The following VPS53 variants were observed in gnomAD, a reference collection of about 807,000 sequenced individuals.
VPS53 encodes the protein vacuolar protein sorting-associated protein 53 homolog.
A neutral mutation model predicts 107.0 loss-of-function variants in VPS53; 70 were observed. The observed-to-expected ratio is 0.65, with a 90% CI of 0.54 to 0.80. The LOEUF (loss-of-function observed/expected upper bound fraction) is 0.80, where lower values mean the gene tolerates loss of function less well. Ranked by LOEUF, VPS53 falls within the 30% of genes least tolerant of loss-of-function variation. The pLI is 0.00. For synonymous variants in VPS53, 409 were observed against 393.3 expected, an observed-to-expected ratio of 1.04 and a Z score of -0.47; for missense variants, 917 against 1,049.4, an observed-to-expected ratio of 0.87 and a Z score of 1.74.
At chr17:658,777 T>C (rs1971319951) in intron 5 of VPS53, among the ~76,000 whole-genome samples, 1 of 151,532 alleles carries the variant, frequency 6.6e-6, no homozygotes, top group African/African-American at 2.4e-5. Context: ...CCCACTGAAG[T>C]GAGAAACTCG....
At chr17:593,723 A>G (rs1357836938) in intron 12 of VPS53, among the ~76,000 whole-genome samples, 1 of 152,202 alleles carries the variant, frequency 6.6e-6, no homozygotes, top group African/African-American at 2.4e-5. Flanking sequence ...ACTGTAAACT[A>G]GTTCAACCAT....
chr17:602,307 G>T (rs2050222313), intron 11 of VPS53, among the ~76,000 whole-genome samples: 2 of 152,188 alleles, frequency 1.3e-5, no homozygotes, highest in South Asian at 4.1e-4. Context: ...CCTCCATGAT[G>T]GCAGAGATTG....
At chr17:565,946 G>GTAAT (rs1469601183) in intron 13 of VPS53, among the ~76,000 whole-genome samples, 1 of 152,196 alleles carries the variant, frequency 6.6e-6, no homozygotes, top group Non-Finnish European at 1.5e-5. Flanking sequence ...GCTCACGCCT[G>GTAAT]TAATCCCAGC....
intron 4 of VPS53, among the ~76,000 whole-genome samples, chr17:676,001 G>C (rs1396749176): frequency 6.6e-6 from 1 of 152,098 alleles, no homozygotes; most frequent in Non-Finnish European, 1.5e-5. Flanking sequence ...AATATACGGA[G>C]GACGACAAGT....
In VPS53 at chr17:519,480, A is replaced by C. The variant is rs1186918400; in HGVS notation, c.2329-182T>G. ...CCCTGGGTAGTAGCGTGGGAGGAAA[A>C]GAGAGGGGAAGAAAAGGTAAAGGAA... On this transcript the variant is annotated intron_variant, in intron 21 of 21. Coordinates refer to ENST00000437048, the MANE Select transcript of VPS53 (RefSeq NM_001128159.3). The surrounding 1 kb of genome is among the most constrained non-coding windows in gnomAD (Gnocchi z 5.0). Among the ~76,000 whole-genome samples the C allele has an allele frequency of 6.6e-6, 1 of 152,186 alleles. No homozygotes were observed. Among genetic ancestry groups the C allele is most frequent in the Non-Finnish European group, 1.5e-5 (1 of 68,030 alleles).
rs374301889 is a variant in VPS53, at chr17:714,598, C to A, written c.87+25G>T. The stretch of plus-strand genomic sequence containing the variant: ...GTCTCCCCTCCCGCACTCCCGTTTC[C>A]CCTCCTGAGGGGCGGAACGCTTACC... On this transcript the variant is annotated intron_variant, in intron 1 of 21. Coordinates refer to ENST00000437048, the MANE Select transcript of VPS53 (RefSeq NM_001128159.3). 52 of 1,593,874 alleles carry A rather than the reference C, an allele frequency of 3.3e-5. No individual in the cohort carries two copies. In the African/African-American group the frequency reaches 6.7e-4, roughly 20 times the overall value.
In VPS53 at chr17:670,151, G is replaced by A. The variant is rs373199837; in HGVS notation, c.286-8256C>T. Among the ~76,000 whole-genome samples, 15 of 152,080 alleles carry A rather than the reference G, an allele frequency of 9.9e-5. 1 individual carries two copies. Among genetic ancestry groups the A allele is most frequent in the South Asian group, 6.2e-4 (3 of 4,816 alleles). On this transcript the variant is annotated intron_variant, in intron 4 of 21. Transcript: ENST00000437048. ...CCTGCATCCTAAAGTGTTATAAAGCGGCGACTGTGTTTAATCTGCCCCTAC... is the reference window on the plus strand; with the variant it reads ...CCTGCATCCTAAAGTGTTATAAAGCAGCGACTGTGTTTAATCTGCCCCTAC...
Position 601,833 on chromosome 17 carries a change from T to A in VPS53, c.1180A>T (p.Met394Leu), listed in dbSNP as rs773146811. 6.2e-7 allele frequency: 1 copy of A among 1,602,530 alleles called. No individual in the cohort carries two copies. Among genetic ancestry groups the A allele is most frequent in the East Asian group, 2.3e-5 (1 of 43,936 alleles). The change falls in exon 12 of 22, where the codon ATG (methionine) becomes TTG (leucine). Residue 394 changes from methionine (M) to leucine (L), a missense_variant. By Grantham distance (15) the Met-to-Leu change is conservative (BLOSUM62 2). Coordinates refer to ENST00000437048, the MANE Select transcript of VPS53 (RefSeq NM_001128159.3). ...CCTTTCTCCGTTGCCAGTTCCTCCA[T>A]CTCTGGTGTTGGCTCATCTTCCAGG... The part of the protein sequence containing the change: ...PFLEDEPTPE[M>L]EELATEKGDL...
chr17:616,591 A>T (rs1188521142), intron 11 of VPS53: 1 of 152,318 alleles, frequency 6.6e-6, no homozygotes, highest in Non-Finnish European at 1.5e-5. Context: ...GCCCTGGCCG[A>T]GTGAGTTCAG....
chr17:693,486 C>CCAAG (rs1972843998), intron 4 of VPS53, among the ~76,000 whole-genome samples: 1 of 152,068 alleles, frequency 6.6e-6, no homozygotes, highest in Admixed American at 6.5e-5. Flanking sequence ...TTTTGGGAGC[C>CCAAG]CAAGGCAGGA....
rs201414500 is a variant in VPS53, at chr17:697,423, G to A, written c.280C>T (p.Arg94Trp). 131 of 1,613,616 alleles carry A rather than the reference G, an allele frequency of 8.1e-5. No homozygotes were observed. The highest frequency in any genetic ancestry group is 3.1e-4 in the East Asian group (14 of 44,890). Residue 94 changes from arginine to tryptophan, a missense_variant, in exon 4 of 22, where the codon CGG becomes TGG. Physicochemically the swap from Arg to Trp is moderately radical, Grantham distance 101. Transcript: ENST00000437048. ...TGGAGGAATGAGTTACTTACTTGCC[G>A]TCCATCCTGCCCCACGTTCGTCTGA... The part of the protein sequence containing the change: ...RGQTNVGQDG[R>W]QALEEAQKAI...
At chr17:547,290 G>A (rs746032471) in intron 17 of VPS53, among the ~76,000 whole-genome samples, 1 of 152,150 alleles carries the variant, frequency 6.6e-6, no homozygotes, top group Admixed American at 6.6e-5. Context: ...TCCAATAGAC[G>A]AATGAATAAA....
At chr17:530,273 C>A (rs893281557) in intron 19 of VPS53, among the ~76,000 whole-genome samples, 1 of 151,872 alleles carries the variant, frequency 6.6e-6, no homozygotes, top group East Asian at 1.9e-4. Context: ...CCTGCCTCAG[C>A]CTCTCGAGCA....
chr17:675,174 C>G (rs114992535), intron 4 of VPS53: 5 of 152,118 alleles, frequency 3.3e-5, no homozygotes, highest in African/African-American at 1.2e-4. Flanking sequence ...GGCTGACAAA[C>G]GGTCCTAGAA....
chr17:607,961 G>A (rs566473289), intron 11 of VPS53, among the ~76,000 whole-genome samples: 4 of 152,190 alleles, frequency 2.6e-5, no homozygotes, highest in African/African-American at 7.2e-5. Flanking sequence ...TGGACACATC[G>A]AATTATCAAA....
chr17:709,774 CA>C (rs1973569087), intron 2 of VPS53, among the ~76,000 whole-genome samples: 1 of 152,148 alleles, frequency 6.6e-6, no homozygotes, highest in African/African-American at 2.4e-5. Flanking sequence ...CCCAAACACC[CA>C]AAAACCAATT....
At chr17:613,496 C>T (rs373817497) in intron 11 of VPS53, among the ~76,000 whole-genome samples, 5 of 152,106 alleles carry the variant, frequency 3.3e-5, no homozygotes, top group South Asian at 4.1e-4. Context: ...AGTGAGTTCA[C>T]ACAGTGAAAA....
At chr17:627,439 A>C in intron 9 of VPS53, 123 bp from the exon 10 acceptor site, 1 of 1,268,234 alleles carries the variant, frequency 7.9e-7, no homozygotes, top group Non-Finnish European at 1.1e-6. Context: ...TCATGGTTTT[A>C]AAGAATCTAG....
intron 14 of VPS53, 116 bp from the exon 15 acceptor site, chr17:560,689 A>C: frequency 1.6e-6 from 2 of 1,237,408 alleles, no homozygotes; most frequent in Non-Finnish European, 2.2e-6. Context: ...ACATGGCCCA[A>C]ATCAATTCAC....
Sources: allele counts gnomAD v4.1 joint callset (sites outside exome capture counted in the v4.1 genomes callset), GRCh38; gene constraint gnomAD v4.1.1; non-coding constraint Gnocchi (gnomAD v3.1); transcripts MANE v1.5; gene names NCBI Gene and HGNC (gene_info 2026-07-23, HGNC 2026-07-21).